The following TUNAR variants were observed in gnomAD, a reference collection of about 807,000 sequenced individuals.
The protein encoded by TUNAR is transmembrane neural differentiation associated intracellular calcium regulator.
intron 2 of TUNAR, among the ~76,000 whole-genome samples, chr14:95,910,348 A>T (rs1889494668): frequency 6.6e-6 from 1 of 152,206 alleles, no homozygotes; most frequent in Non-Finnish European, 1.5e-5. Flanking sequence ...CTCGTCTGTA[A>T]AAAACAAAAT....
At chr14:95,914,527 C>T (rs771347464) in intron 2 of TUNAR, among the ~76,000 whole-genome samples, 16 of 152,242 alleles carry the variant, frequency 1.1e-4, no homozygotes, top group Middle Eastern at 3.4e-3. Context: ...TTTCCTTATG[C>T]ATGCTGTGAT....
At chr14:95,896,347 T>A (rs987133459) in intron 2 of TUNAR, among the ~76,000 whole-genome samples, 18 of 152,106 alleles carry the variant, frequency 1.2e-4, no homozygotes, top group African/African-American at 4.3e-4. Flanking sequence ...GAAATAGAGA[T>A]TGGGCTGTTC....
intron 2 of TUNAR, among the ~76,000 whole-genome samples, chr14:95,890,285 T>G (rs1595117109): frequency 6.6e-6 from 1 of 152,226 alleles, no homozygotes; most frequent in East Asian, 1.9e-4. Flanking sequence ...TCTCACCATC[T>G]TGTACCCTTT....
At chr14:95,913,331 C>T (rs1281128365) in intron 2 of TUNAR, among the ~76,000 whole-genome samples, 3 of 152,130 alleles carry the variant, frequency 2.0e-5, no homozygotes, top group South Asian at 2.1e-4. Flanking sequence ...CCCCACTCCC[C>T]GACAGGCTCC....
At chr14:95,890,030 T>C (rs1386167526) in intron 2 of TUNAR, among the ~76,000 whole-genome samples, 1 of 151,812 alleles carries the variant, frequency 6.6e-6, no homozygotes, top group Non-Finnish European at 1.5e-5. Context: ...GGGTGGGGTC[T>C]CACTGTGTTG....
rs538876555 is a variant in TUNAR, at chr14:95,889,741, C to T, written c.12+12564C>T. 4.3e-3 allele frequency among the ~76,000 whole-genome samples: 652 copies of T among 152,252 alleles called. 6 individuals are homozygous for T. The highest frequency in any genetic ancestry group is 0.015 in the African/African-American group (634 of 41,536). Reference sequence around the variant, plus strand: ...CCTGTCTGGCTTCTGGCTGGTCTCTCATAGCAGAGTACCGGAAGGGCCTCC... The same window carrying T: ...CCTGTCTGGCTTCTGGCTGGTCTCTTATAGCAGAGTACCGGAAGGGCCTCC... On this transcript the variant is annotated intron_variant, in intron 2 of 2. Transcript: ENST00000678517.
chr14:95,902,523 C>T (rs894246957), intron 2 of TUNAR, among the ~76,000 whole-genome samples: 1 of 152,212 alleles, frequency 6.6e-6, no homozygotes, highest in South Asian at 2.1e-4. Flanking sequence ...GCTGTTGATC[C>T]ACAGCTAGCA....
intron 2 of TUNAR, among the ~76,000 whole-genome samples, chr14:95,915,359 G>A (rs1409962275): frequency 6.6e-6 from 1 of 152,180 alleles, no homozygotes; most frequent in Non-Finnish European, 1.5e-5. Context: ...AGGCATCCAG[G>A]CGGCAGCAGC....
intron 2 of TUNAR, among the ~76,000 whole-genome samples, chr14:95,879,113 GAGTT>G (rs1163006016): frequency 6.6e-6 from 1 of 152,218 alleles, no homozygotes; most frequent in Admixed American, 6.5e-5. Context: ...TTCAGACCCT[GAGTT>G]AGTTTTTGGC....
chr14:95,894,564 C>CT (rs1287408158), intron 2 of TUNAR, among the ~76,000 whole-genome samples: 1 of 152,108 alleles, frequency 6.6e-6, no homozygotes, highest in African/African-American at 2.4e-5. Flanking sequence ...TGTCGAAACA[C>CT]TTTTTTCTTG....
intron 2 of TUNAR, among the ~76,000 whole-genome samples, chr14:95,882,331 A>G (rs1888993278): frequency 6.6e-6 from 1 of 152,226 alleles, no homozygotes; most frequent in Non-Finnish European, 1.5e-5. Flanking sequence ...AGAGGATAAG[A>G]TAAGAAGACA....
rs550790552 is a variant in TUNAR, at chr14:95,905,109, G to T, written c.13-17672G>T. 5.9e-5 allele frequency among the ~76,000 whole-genome samples: 9 copies of T among 152,290 alleles called. No homozygotes were observed. In the South Asian group the frequency reaches 1.9e-3, roughly 32 times the overall value. ...GTGTTTGTGAAATCATTCAATAAGG[G>T]ACTTAAACATTACCTCTTTTTAAAA... On this transcript the variant is annotated intron_variant, in intron 2 of 2. Coordinates refer to ENST00000678517, the Ensembl canonical transcript of TUNAR.
chr14:95,919,478 G>A (rs1889656997), intron 2 of TUNAR, among the ~76,000 whole-genome samples: 1 of 152,210 alleles, frequency 6.6e-6, no homozygotes, highest in African/African-American at 2.4e-5. Context: ...GGAAGCTGAG[G>A]CAGGAGGATT....
At chr14:95,896,116 G>A (rs765059250) in intron 2 of TUNAR, among the ~76,000 whole-genome samples, 33 of 152,108 alleles carry the variant, frequency 2.2e-4, no homozygotes, top group Admixed American at 4.6e-4. Context: ...GTAATAGAGT[G>A]GATATTCAAA....
chr14:95,921,341 C>A (rs1313196550), intron 2 of TUNAR, among the ~76,000 whole-genome samples: 1 of 152,148 alleles, frequency 6.6e-6, no homozygotes, highest in Non-Finnish European at 1.5e-5. Context: ...GCACAGCCCT[C>A]CAGTGGAAGA....
At chr14:95,884,495 C>T (rs1412050911) in intron 2 of TUNAR, among the ~76,000 whole-genome samples, 1 of 152,246 alleles carries the variant, frequency 6.6e-6, no homozygotes, top group African/African-American at 2.4e-5. Context: ...GACTGACACT[C>T]TTAAACCCAC....
At chr14:95,924,654 G>C (rs1032975677) in exon 3 of TUNAR, 2 of 152,246 alleles carry the variant, frequency 1.3e-5, no homozygotes, top group African/African-American at 4.8e-5. Flanking sequence ...TGTGCAAGGA[G>C]ACTCCCATTT....
chr14:95,886,263 T>C (rs2145624), intron 2 of TUNAR, among the ~76,000 whole-genome samples: 19,184 of 152,180 alleles, frequency 0.13, 1,227 homozygotes, highest in East Asian at 0.21. Flanking sequence ...GAGGGGGACA[T>C]GGTCTGGAAT....
intron 2 of TUNAR, among the ~76,000 whole-genome samples, chr14:95,881,410 C>T (rs1362470057): frequency 6.6e-6 from 1 of 152,162 alleles, no homozygotes; most frequent in Non-Finnish European, 1.5e-5. Context: ...TATGCGACGT[C>T]AGTCTGAGGA....
Sources: gnomAD v4.1 joint callset for allele counts (sites outside exome capture counted in the v4.1 genomes callset) on GRCh38, gnomAD v4.1.1 for gene constraint, MANE v1.5 for transcripts, NCBI Gene and HGNC (gene_info 2026-07-23, HGNC 2026-07-21) for gene names.